Variants in CACNA1B observed in about 807,000 individuals in gnomAD.
CACNA1B encodes voltage-dependent N-type calcium channel subunit alpha-1B.
In CACNA1B, 70 loss-of-function variants were observed where a neutral mutation model predicts 247.2. The observed-to-expected ratio is 0.28, with a 90% CI of 0.23 to 0.35. CACNA1B has a LOEUF of 0.35. CACNA1B is among the 10% of genes least tolerant of loss of function. The probability of loss-of-function intolerance (pLI) is 1.00; values close to 1 mark genes in which losing one functional copy is unlikely to be tolerated. For synonymous variants in CACNA1B, 1,231 were observed against 1,294.4 expected (o/e 0.95, Z 1.05); for missense variants, 2,367 against 3,197.4 (o/e 0.74, Z 6.26).
chr9:137,976,068 G>T (rs1409947570), intron 12 of CACNA1B, 49 bp downstream of exon 12: 1 of 1,131,086 alleles, frequency 8.8e-7, no homozygotes. Context: ...TTTCCTGCAG[G>T]TGCACACAGC....
intron 6 of CACNA1B, among the ~76,000 whole-genome samples, chr9:137,936,205 T>A (rs1447046181): frequency 6.6e-6 from 1 of 152,242 alleles, no homozygotes; most frequent in Non-Finnish European, 1.5e-5. Flanking sequence ...TGAGATGGTA[T>A]CTCATTGTGG....
At position 138,120,486 on chromosome 9, in the gene CACNA1B, C is replaced by T. The variant is rs1033505511; in HGVS notation, c.6238+114C>T. 308 of 1,384,090 alleles carry T rather than the reference C, an allele frequency of 2.2e-4. 3 individuals are homozygous for T. The highest frequency in any genetic ancestry group is 4.3e-4 in the South Asian group (31 of 71,472). The allele number at this position is 1,384,090 out of a possible 1,614,324, so 85.7% of individuals were successfully genotyped here. On this transcript the variant is annotated intron_variant, in intron 45 of 46. Transcript: ENST00000371372. ...GTGGGCCTCGTGACCCCATAACCAG[C>T]CAGAGCAGGGTGGGACTGAGGCCCA...
rs879893672 is a variant in CACNA1B, at chr9:137,955,960, C to G, written c.1186+147C>G. On this transcript the variant is annotated intron_variant, in intron 8 of 46. Coordinates refer to ENST00000371372, the MANE Select transcript of CACNA1B (RefSeq NM_000718.4). The surrounding 1 kb of genome is among the most constrained non-coding windows in gnomAD (Gnocchi z 6.9). Reference sequence around the variant, plus strand: ...GTGAGCAGAGTGAGAAGGGATTTCTCTCTAGCTCACCCAGGGGCCTGGCAC... The same window carrying G: ...GTGAGCAGAGTGAGAAGGGATTTCTGTCTAGCTCACCCAGGGGCCTGGCAC... 3.5e-5 allele frequency: 23 copies of G among 662,258 alleles called. No individual in the cohort carries two copies. Among genetic ancestry groups the G allele is most frequent in the Non-Finnish European group, 5.6e-5 (21 of 372,862 alleles). 41.0% of individuals were successfully genotyped at this position (662,258 alleles called of 1,614,324 possible).
intron 39 of CACNA1B, among the ~76,000 whole-genome samples, chr9:138,109,328 C>T (rs1326867636): frequency 2.6e-5 from 4 of 152,212 alleles, no homozygotes; most frequent in East Asian, 1.9e-4. Flanking sequence ...TTAGCTTGCT[C>T]GGGCTGCCCC....
At position 138,007,335 on chromosome 9, in the gene CACNA1B, T is replaced by C. The variant is rs1958665537; in HGVS notation, c.2092+451T>C. On this transcript the variant is annotated intron_variant, in intron 16 of 46. Transcript: ENST00000371372. This position sits in a 1 kb window ranked among gnomAD's most constrained non-coding sequence, Gnocchi z 4.1. ...TTTCTGTGGAGGATGTCAGTTGGGC[T>C]GTTTCAGGACCTTGAGTCAGAGGGT... 6.6e-6 allele frequency among the ~76,000 whole-genome samples: 1 copy of C among 152,200 alleles called. No homozygotes were observed. Among genetic ancestry groups the C allele is most frequent in the South Asian group, 2.1e-4 (1 of 4,830 alleles).
intron 38 of CACNA1B, among the ~76,000 whole-genome samples, chr9:138,103,419 T>C (rs1961320242): frequency 6.6e-6 from 1 of 152,120 alleles, no homozygotes. Context: ...AGAGGCATCT[T>C]GCTATTATTC....
At chr9:137,953,447 C>A (rs1431159638) in intron 7 of CACNA1B, among the ~76,000 whole-genome samples, 1 of 152,190 alleles carries the variant, frequency 6.6e-6, no homozygotes, top group Non-Finnish European at 1.5e-5. Flanking sequence ...TGGCTGGAGC[C>A]GAAGCCTCTG....
chr9:138,073,287 T>G lies in CACNA1B; in HGVS notation c.4675-201T>G, dbSNP rs879368432. 6.6e-6 allele frequency among the ~76,000 whole-genome samples: 1 copy of G among 152,218 alleles called. No homozygotes were observed. The highest frequency in any genetic ancestry group is 1.5e-5 in the Non-Finnish European group (1 of 68,038). ...CTGATTTGCTGCATGAGAAGTGATT[T>G]GCAAGGACAAGCTTTACTTCTGGAA... On this transcript the variant is annotated intron_variant, in intron 32 of 46. Coordinates refer to ENST00000371372, the MANE Select transcript of CACNA1B (RefSeq NM_000718.4). This position sits in a 1 kb window ranked among gnomAD's most constrained non-coding sequence, Gnocchi z 6.4.
intron 25 of CACNA1B, 56 bp from the exon 26 acceptor site, chr9:138,053,790 C>T: frequency 7.1e-7 from 1 of 1,417,994 alleles, no homozygotes; most frequent in Non-Finnish European, 9.9e-7. Context: ...CCTCATGGCC[C>T]CACTCTCCCA....
chr9:138,105,921 G>A (rs890639151), intron 39 of CACNA1B, 114 bp downstream of exon 39: 1 of 673,884 alleles, frequency 1.5e-6, no homozygotes, highest in African/African-American at 1.8e-5. Flanking sequence ...AGCTGTGTCT[G>A]GAGGGGTCTG....
chr9:137,923,625 T>G (rs1157927751), intron 6 of CACNA1B, among the ~76,000 whole-genome samples: 1 of 152,228 alleles, frequency 6.6e-6, no homozygotes, highest in African/African-American at 2.4e-5. Flanking sequence ...CTGTACACAT[T>G]TTTGTGCAAA....
intron 6 of CACNA1B, among the ~76,000 whole-genome samples, chr9:137,951,634 G>T (rs1957878852): frequency 6.6e-6 from 1 of 152,230 alleles, no homozygotes; most frequent in Non-Finnish European, 1.5e-5. Flanking sequence ...GAATCAAATT[G>T]GGTTCAAAGG....
intron 6 of CACNA1B, among the ~76,000 whole-genome samples, chr9:137,938,660 A>T (rs183615820): frequency 6.6e-6 from 1 of 152,348 alleles, no homozygotes. Flanking sequence ...AAAGACAAAG[A>T]GGGACATTAT....
chr9:138,026,433 C>T (rs1247900705), intron 20 of CACNA1B, among the ~76,000 whole-genome samples: 1 of 152,198 alleles, frequency 6.6e-6, no homozygotes, highest in Non-Finnish European at 1.5e-5. Flanking sequence ...GCTCCCTATG[C>T]TCTTCCCCAC....
chr9:138,049,206 T>G lies in CACNA1B; in HGVS notation c.3604-3T>G, dbSNP rs1204828074. On this transcript the variant is annotated splice_region_variant and splice_polypyrimidine_tract_variant and intron_variant, in intron 23 of 46. Transcript: ENST00000371372. ...GTATCTAACGTGTGTTTCTCCCTCCTAGATGATCGACTTGGGACTGCTGCT... is the reference window on the plus strand; with the variant it reads ...GTATCTAACGTGTGTTTCTCCCTCCGAGATGATCGACTTGGGACTGCTGCT... 6.3e-7 allele frequency: 1 copy of G among 1,591,240 alleles called. No individual in the cohort carries two copies. The highest frequency in any genetic ancestry group is 8.6e-7 in the Non-Finnish European group (1 of 1,159,112).
rs182150832 is a variant in CACNA1B at position 138,113,172 on chromosome 9, G to A, written c.5536+667G>A. Reference sequence around the variant, plus strand: ...GTGCCCAACTCCATCTTATGGGAACGTGAGGGAGCGCGGGGACGTGCACAC... The same window carrying A: ...GTGCCCAACTCCATCTTATGGGAACATGAGGGAGCGCGGGGACGTGCACAC... On this transcript the variant is annotated intron_variant, in intron 40 of 46. Transcript: ENST00000371372. 1.5e-3 allele frequency among the ~76,000 whole-genome samples: 212 copies of A among 138,832 alleles called. 2 individuals are homozygous for A. Among genetic ancestry groups the A allele is most frequent in the African/African-American group, 5.4e-3 (197 of 36,412 alleles). The allele number at this position is 138,832 out of a possible 152,430, so 91.1% of individuals were successfully genotyped here.
At chr9:137,912,266 T>G (rs1564886185) in intron 3 of CACNA1B, among the ~76,000 whole-genome samples, 2 of 152,174 alleles carry the variant, frequency 1.3e-5, no homozygotes, top group Non-Finnish European at 2.9e-5. Context: ...GCACCCTCGT[T>G]TTGAATCTCT....
At chr9:137,987,002 G>A (rs1958371210) in intron 15 of CACNA1B, 148 bp downstream of exon 15, 2 of 749,214 alleles carry the variant, frequency 2.7e-6, no homozygotes, top group Admixed American at 1.9e-5. Context: ...CTCAAACGAG[G>A]GAAGCACAGG....
rs1325804861 is a variant in CACNA1B, at chr9:138,052,405, C to A, written c.3807+217C>A. Among the ~76,000 whole-genome samples the A allele has an allele frequency of 6.6e-6, 1 of 152,136 alleles. No homozygotes were observed. Among genetic ancestry groups the A allele is most frequent in the Non-Finnish European group, 1.5e-5 (1 of 68,036 alleles). On this transcript the variant is annotated intron_variant, in intron 25 of 46. Transcript: ENST00000371372. This position sits in a 1 kb window ranked among gnomAD's most constrained non-coding sequence, Gnocchi z 5.1. ...GTGAGAATCCTCCTCCTTAGCCCAGCAGGACCAGGCGGCACAGGGTTTTTC... is the reference window on the plus strand; with the variant it reads ...GTGAGAATCCTCCTCCTTAGCCCAGAAGGACCAGGCGGCACAGGGTTTTTC...
Sources: gnomAD v4.1 joint callset for allele counts (sites outside exome capture counted in the v4.1 genomes callset) on GRCh38, gnomAD v4.1.1 for gene constraint, Gnocchi (gnomAD v3.1) non-coding constraint, MANE v1.5 for transcripts, NCBI Gene and HGNC (gene_info 2026-07-23, HGNC 2026-07-21) for gene names.